The following PCDHGA6 variants were observed in gnomAD, a reference collection of about 807,000 sequenced individuals.
PCDHGA6 encodes the protein protocadherin gamma-A6.
In PCDHGA6, 41 loss-of-function variants were observed where a neutral mutation model predicts 60.6. The ratio of observed to expected loss-of-function variants is 0.68; its 90% CI spans 0.53 to 0.88. The LOEUF is 0.88. Among genes scored for constraint, PCDHGA6 ranks in the 40% least tolerant of loss-of-function variants. The probability of loss-of-function intolerance (pLI) is 0.00; values close to 1 mark genes in which losing one functional copy is unlikely to be tolerated. For synonymous variants in PCDHGA6, 594 were observed against 524.4 expected (o/e 1.13, Z -1.81); for missense variants, 1,312 against 1,203.0 (o/e 1.09, Z -1.34).
chr5:141,420,311 T>G (rs762191274), intron 1 of PCDHGA6: 1 of 1,454,814 alleles, frequency 6.9e-7, no homozygotes, highest in Non-Finnish European at 9.3e-7. Flanking sequence ...CTTTTTATAT[T>G]ACAATATGCC....
Position 141,375,606 on chromosome 5 carries a change from A to C in PCDHGA6, c.1523A>C (p.Asn508Thr). The part of the protein sequence containing the change: ...GAPLSSYVSI[N>T]SDTGILYALR... ...CCCCTGTCCTCCTACGTGTCCATCAACTCCGACACTGGGATTCTGTACGCC... is the reference window on the plus strand; with the variant it reads ...CCCCTGTCCTCCTACGTGTCCATCACCTCCGACACTGGGATTCTGTACGCC... The change falls in exon 1 of 4, where the codon AAC (asparagine) becomes ACC (threonine). Residue 508 changes from asparagine (N) to threonine (T), a missense_variant. Coordinates refer to ENST00000517434, the MANE Select transcript of PCDHGA6 (RefSeq NM_018919.3). 1 of 1,613,922 alleles carries C rather than the reference A, an allele frequency of 6.2e-7. No homozygotes were observed. Among genetic ancestry groups the C allele is most frequent in the Non-Finnish European group, 8.5e-7 (1 of 1,179,974 alleles).
chr5:141,419,035 T>G, intron 1 of PCDHGA6: 1 of 1,613,954 alleles, frequency 6.2e-7, no homozygotes, highest in Non-Finnish European at 8.5e-7. Context: ...GTGTTCCATT[T>G]AAGATTCATT....
chr5:141,384,510 C>T (rs1038523588), intron 1 of PCDHGA6: 16 of 1,614,028 alleles, frequency 9.9e-6, no homozygotes, highest in African/African-American at 2.7e-5. Flanking sequence ...CACATGACAG[C>T]GGGGACCCGC....
chr5:141,415,102 A>C, intron 1 of PCDHGA6: 1 of 1,613,550 alleles, frequency 6.2e-7, no homozygotes. Flanking sequence ...AGACGCGCTC[A>C]AGCAAAGCCT....
Position 141,476,072 on chromosome 5 carries a change from C to A in PCDHGA6, c.2425-18735C>A. 1.3e-6 allele frequency: 2 copies of A among 1,523,462 alleles called. No individual in the cohort carries two copies. The highest frequency in any genetic ancestry group is 1.3e-5 in the South Asian group (1 of 77,998). 94.4% of individuals were successfully genotyped at this position (1,523,462 alleles called of 1,614,324 possible). The stretch of plus-strand genomic sequence containing the variant: ...CGCTGAAAGTTTCTCAGCGAAATCT[C>A]AGGGACGATCTGGACCCCGCTGAGA... On this transcript the variant is annotated intron_variant, in intron 1 of 3. Coordinates refer to ENST00000517434, the MANE Select transcript of PCDHGA6 (RefSeq NM_018919.3). The surrounding 1 kb of genome is among the most constrained non-coding windows in gnomAD (Gnocchi z 7.6).
chr5:141,505,634 A>T, intron 3 of PCDHGA6, 153 bp downstream of exon 3: 6 of 971,426 alleles, frequency 6.2e-6, no homozygotes, highest in Non-Finnish European at 7.3e-6. Context: ...CCAAACATAA[A>T]GCCTGGAATT....
chr5:141,403,100 A>G (rs1295654527), intron 1 of PCDHGA6: 5 of 1,613,992 alleles, frequency 3.1e-6, no homozygotes, highest in Non-Finnish European at 4.2e-6. Flanking sequence ...CAACATCTCC[A>G]AGGACCTGGC....
At position 141,487,741 on chromosome 5, in the gene PCDHGA6, A is replaced by C. The variant is rs773413559; in HGVS notation, c.2425-7066A>C. 1.6e-4 allele frequency: 247 copies of C among 1,561,638 alleles called. 1 individual carries two copies. The highest frequency in any genetic ancestry group is 2.1e-4 in the Non-Finnish European group (244 of 1,151,698). On this transcript the variant is annotated intron_variant, in intron 1 of 3. Coordinates refer to ENST00000517434, the MANE Select transcript of PCDHGA6 (RefSeq NM_018919.3). This position sits in a 1 kb window ranked among gnomAD's most constrained non-coding sequence, Gnocchi z 5.0. ...ATAGTGATGTCACCATTTTTGTAAG[A>C]GGTAACTATGTGGTAGACGCTGTGC... is the stretch of plus-strand genomic sequence containing the variant.
In PCDHGA6 at chr5:141,476,288, C is replaced by A. The variant is rs1446743849; in HGVS notation, c.2425-18519C>A. 3.1e-6 allele frequency: 5 copies of A among 1,613,980 alleles called. No homozygotes were observed. The highest frequency in any genetic ancestry group is 3.4e-6 in the Non-Finnish European group (4 of 1,180,026). ...CGTGGTCGCGAACCTTGGTTTGGAT[C>A]TCGGTAGCCTCTCAGCCCGCAGGTT... On this transcript the variant is annotated intron_variant, in intron 1 of 3. Coordinates refer to ENST00000517434, the MANE Select transcript of PCDHGA6 (RefSeq NM_018919.3). This position sits in a 1 kb window ranked among gnomAD's most constrained non-coding sequence, Gnocchi z 7.6.
chr5:141,383,093 G>A, intron 1 of PCDHGA6: 1 of 1,613,930 alleles, frequency 6.2e-7, no homozygotes, highest in Non-Finnish European at 8.5e-7. Flanking sequence ...CGCGGAGTCC[G>A]CATCATCTCC....
At chr5:141,479,328 G>C (rs568506786) in intron 1 of PCDHGA6, 3 of 152,536 alleles carry the variant, frequency 2.0e-5, no homozygotes, top group African/African-American at 7.2e-5. Context: ...CAGACTCAGT[G>C]GTGTGCACCT....
chr5:141,502,864 G>GGCTTTTTT (rs2099816401), intron 2 of PCDHGA6, among the ~76,000 whole-genome samples: 1 of 61,572 alleles, frequency 1.6e-5, no homozygotes, highest in Non-Finnish European at 3.0e-5. Flanking sequence ...CTGACTCTCT[G>GGCTTTTTT]TCTTTTTTTT....
intron 1 of PCDHGA6, among the ~76,000 whole-genome samples, chr5:141,471,999 T>C (rs577046645): frequency 3.9e-5 from 6 of 152,230 alleles, no homozygotes; most frequent in Admixed American, 2.0e-4. Flanking sequence ...AATCCCTGCA[T>C]CGTATAGGGG....
Position 141,489,819 on chromosome 5 carries a change from G to T in PCDHGA6, c.2425-4988G>T. On this transcript the variant is annotated intron_variant, in intron 1 of 3. Transcript: ENST00000517434. This position sits in a 1 kb window ranked among gnomAD's most constrained non-coding sequence, Gnocchi z 4.5. ...TAAAAGATGGGAAGCCATTCCCAGA[G>T]CTGGTGCTAGAGCAGCAGCTGGATC... 6.2e-7 allele frequency: 1 copy of T among 1,614,190 alleles called. No homozygotes were observed.
At position 141,485,675 on chromosome 5, in the gene PCDHGA6, A is replaced by C. The variant is rs1562106929; in HGVS notation, c.2425-9132A>C. 6.2e-7 allele frequency: 1 copy of C among 1,613,068 alleles called. No homozygotes were observed. The highest frequency in any genetic ancestry group is 8.5e-7 in the Non-Finnish European group (1 of 1,179,150). On this transcript the variant is annotated intron_variant, in intron 1 of 3. Coordinates refer to ENST00000517434, the MANE Select transcript of PCDHGA6 (RefSeq NM_018919.3). The surrounding 1 kb of genome is among the most constrained non-coding windows in gnomAD (Gnocchi z 5.7). ...TGCAGATGTGGGGAGCAATTCGATT[A>C]GCAGCTATAGGCTGAGCTCCAATGA...
At chr5:141,381,986 C>T (rs1360595056) in intron 1 of PCDHGA6, among the ~76,000 whole-genome samples, 1 of 151,810 alleles carries the variant, frequency 6.6e-6, no homozygotes, top group African/African-American at 2.4e-5. Context: ...CGCGCCACCA[C>T]GCCCGGATAA....
In PCDHGA6 at chr5:141,491,731, C is replaced by T. The variant is rs1198438920; in HGVS notation, c.2425-3076C>T. ...GGGCTCGGCGCCGCCCCGGGCGACC[C>T]CTGGGGGCGGCACTGGAGAAGCCGC... On this transcript the variant is annotated intron_variant, in intron 1 of 3. Coordinates refer to ENST00000517434, the MANE Select transcript of PCDHGA6 (RefSeq NM_018919.3). The surrounding 1 kb of genome is among the most constrained non-coding windows in gnomAD (Gnocchi z 6.9). 1 of 1,603,678 alleles carries T rather than the reference C, an allele frequency of 6.2e-7. No homozygotes were observed. Among genetic ancestry groups the T allele is most frequent in the Non-Finnish European group, 8.5e-7 (1 of 1,175,748 alleles).
chr5:141,423,923 G>A (rs2096790975), intron 1 of PCDHGA6: 2 of 1,254,626 alleles, frequency 1.6e-6, no homozygotes, highest in African/African-American at 1.6e-5. Flanking sequence ...CAACTATGCT[G>A]GTTTGGTTTG....
intron 1 of PCDHGA6, among the ~76,000 whole-genome samples, chr5:141,474,312 T>G (rs1358237994): frequency 6.6e-6 from 1 of 152,228 alleles, no homozygotes; most frequent in African/African-American, 2.4e-5. Flanking sequence ...AACTTTAATG[T>G]GTTTTCAAAT....
Sources: gnomAD v4.1 joint callset for allele counts (sites outside exome capture counted in the v4.1 genomes callset) on GRCh38, gnomAD v4.1.1 for gene constraint, Gnocchi (gnomAD v3.1) non-coding constraint, MANE v1.5 for transcripts, NCBI Gene and HGNC (gene_info 2026-07-23, HGNC 2026-07-21) for gene names.